The following PSTPIP2 variants were observed in gnomAD, a reference collection of about 807,000 sequenced individuals.
PSTPIP2 encodes proline-serine-threonine phosphatase-interacting protein 2.
Under a neutral mutation model 63.3 loss-of-function variants are expected in PSTPIP2, and 33 were observed. The observed-to-expected ratio is 0.52, with a 90% confidence interval of 0.40 to 0.70. PSTPIP2 has a LOEUF of 0.70. Among genes scored for constraint, PSTPIP2 ranks in the 30% least tolerant of loss-of-function variants. The probability of loss-of-function intolerance (pLI) is 0.00; values close to 1 mark genes in which losing one functional copy is unlikely to be tolerated. For synonymous variants in PSTPIP2, 125 were observed against 132.7 expected (o/e 0.94, Z 0.40); for missense variants, 312 against 400.7 (o/e 0.78, Z 1.89).
intron 3 of PSTPIP2, among the ~76,000 whole-genome samples, chr18:46,017,708 AATGG>A (rs1414136672): frequency 6.6e-6 from 1 of 152,092 alleles, no homozygotes; most frequent in Non-Finnish European, 1.5e-5. Context: ...TACTTTGTGG[AATGG>A]TTCAATAGAG....
chr18:46,051,561 A>G (rs894042857), intron 1 of PSTPIP2, among the ~76,000 whole-genome samples: 28 of 152,204 alleles, frequency 1.8e-4, no homozygotes, highest in African/African-American at 6.5e-4. Context: ...TTGAAAGACC[A>G]TTATTCCTGG....
chr18:46,032,331 A>AAT (rs369721924), intron 2 of PSTPIP2, among the ~76,000 whole-genome samples: 19 of 152,186 alleles, frequency 1.2e-4, no homozygotes, highest in African/African-American at 4.3e-4. Context: ...CAGAAGAGGC[A>AAT]ATACCACACC....
intron 2 of PSTPIP2, among the ~76,000 whole-genome samples, chr18:46,037,566 T>C (rs927030712): frequency 9.9e-5 from 15 of 152,212 alleles, no homozygotes; most frequent in African/African-American, 3.4e-4. Context: ...ACAAGCATCC[T>C]GCACCCACCC....
At chr18:45,987,028 G>A (rs1239053250) in intron 14 of PSTPIP2, among the ~76,000 whole-genome samples, 3 of 152,038 alleles carry the variant, frequency 2.0e-5, no homozygotes, top group Non-Finnish European at 4.4e-5. Context: ...TTGTTTGTTT[G>A]TTTTAGTAGA....
At chr18:46,040,829 T>TCG (rs928683789) in intron 1 of PSTPIP2, among the ~76,000 whole-genome samples, 1 of 152,138 alleles carries the variant, frequency 6.6e-6, no homozygotes, top group African/African-American at 2.4e-5. Flanking sequence ...CACAGGCACG[T>TCG]GGATGAGGGA....
At chr18:46,045,637 T>G (rs921472304) in intron 1 of PSTPIP2, among the ~76,000 whole-genome samples, 2 of 151,762 alleles carry the variant, frequency 1.3e-5, no homozygotes, top group Non-Finnish European at 2.9e-5. Flanking sequence ...ATTGTGCACA[T>G]GTACCCTAAA....
At chr18:46,012,366 TGAAAC>T (rs924912958) in intron 4 of PSTPIP2, among the ~76,000 whole-genome samples, 1 of 152,138 alleles carries the variant, frequency 6.6e-6, no homozygotes, top group Non-Finnish European at 1.5e-5. Context: ...CTATATGAAT[TGAAAC>T]GAAAAGCTGT....
chr18:46,041,667 C>A (rs1234237606), intron 1 of PSTPIP2, among the ~76,000 whole-genome samples: 1 of 152,166 alleles, frequency 6.6e-6, no homozygotes, highest in Admixed American at 6.5e-5. Context: ...GCCAACAAGT[C>A]CCCAAACCAA....
chr18:45,986,239 A>T (rs1018616829), intron 14 of PSTPIP2, among the ~76,000 whole-genome samples: 1 of 152,216 alleles, frequency 6.6e-6, no homozygotes, highest in Non-Finnish European at 1.5e-5. Context: ...TCCCTTTAGT[A>T]AAATTTTCTG....
chr18:46,048,221 C>T (rs1400056515), intron 1 of PSTPIP2, among the ~76,000 whole-genome samples: 1 of 152,156 alleles, frequency 6.6e-6, no homozygotes, highest in African/African-American at 2.4e-5. Context: ...AGATGCTACA[C>T]AGGTGGCTTG....
At chr18:46,061,702 C>T (rs764752933) in intron 1 of PSTPIP2, among the ~76,000 whole-genome samples, 2 of 152,186 alleles carry the variant, frequency 1.3e-5, no homozygotes, top group African/African-American at 2.4e-5. Flanking sequence ...TGGCCATCTG[C>T]GGAAGTGCTG....
At chr18:46,038,066 A>G (rs1445740852) in intron 2 of PSTPIP2, among the ~76,000 whole-genome samples, 1 of 152,086 alleles carries the variant, frequency 6.6e-6, no homozygotes, top group Non-Finnish European at 1.5e-5. Context: ...TATGACCAGC[A>G]ATTTTTTTTT....
Position 46,022,077 on chromosome 18 carries a change from T to C in PSTPIP2, c.212+2532A>G, listed in dbSNP as rs550662776. ...TTTATTATGTTCGTTTTTTTACTTT[T>C]CTGTGATTTTTAAATTTTCATTTAA... On this transcript the variant is annotated intron_variant, in intron 3 of 14. Transcript: ENST00000409746. Among the ~76,000 whole-genome samples, 5 of 152,264 alleles carry C rather than the reference T, an allele frequency of 3.3e-5. No individual in the cohort carries two copies. The South Asian group carries it at 1.0e-3, about 32-fold the overall frequency.
intron 2 of PSTPIP2, among the ~76,000 whole-genome samples, chr18:46,031,285 T>C (rs1186745464): frequency 1.3e-5 from 2 of 152,200 alleles, no homozygotes; most frequent in Non-Finnish European, 2.9e-5. Flanking sequence ...GCATGGCTGT[T>C]ATGTGATTTG....
rs145105848 is a variant in PSTPIP2, at chr18:46,069,843, A to G, written c.33+2313T>C. On this transcript the variant is annotated intron_variant, in intron 1 of 14. Coordinates refer to ENST00000409746, the MANE Select transcript of PSTPIP2 (RefSeq NM_024430.4). ...CTGTCCCCTTTCTCCTCCTCCATCA[A>G]TAGAGGCATGCACTAAGAGTGCTTC... Among the ~76,000 whole-genome samples, 11 of 151,836 alleles carry G rather than the reference A, an allele frequency of 7.2e-5. No homozygotes were observed. In the East Asian group the frequency reaches 2.1e-3, roughly 29 times the overall value.
intron 3 of PSTPIP2, among the ~76,000 whole-genome samples, chr18:46,018,381 A>T (rs1490393618): frequency 6.6e-6 from 1 of 151,958 alleles, no homozygotes; most frequent in Non-Finnish European, 1.5e-5. Context: ...AGGCTTAGAG[A>T]GGTATCTTTC....
chr18:46,026,480 A>C (rs1207241913), intron 2 of PSTPIP2, among the ~76,000 whole-genome samples: 1 of 152,246 alleles, frequency 6.6e-6, no homozygotes, highest in Non-Finnish European at 1.5e-5. Context: ...TACATATGTT[A>C]CAAAGTTTCT....
At chr18:46,034,825 G>A (rs989392164) in intron 2 of PSTPIP2, among the ~76,000 whole-genome samples, 1 of 152,086 alleles carries the variant, frequency 6.6e-6, no homozygotes, top group Non-Finnish European at 1.5e-5. Context: ...GTTTTTATGA[G>A]AATTAAATAA....
intron 8 of PSTPIP2, 56 bp downstream of exon 8, chr18:45,998,738 G>A: frequency 1.3e-6 from 2 of 1,555,436 alleles, no homozygotes; most frequent in African/African-American, 1.4e-5. Context: ...GACACATTTA[G>A]GATAACGTAA....
Sources: allele counts gnomAD v4.1 joint callset (sites outside exome capture counted in the v4.1 genomes callset), GRCh38; gene constraint gnomAD v4.1.1; transcripts MANE v1.5; gene names NCBI Gene and HGNC (gene_info 2026-07-23, HGNC 2026-07-21).